Variants in MCF2L observed in about 807,000 individuals in gnomAD.
MCF2L encodes MCF.2 cell line derived transforming sequence like.
A neutral mutation model predicts 153.4 loss-of-function variants in MCF2L; 97 were observed. The observed-to-expected ratio is 0.63, with a 90% CI of 0.54 to 0.75. The LOEUF is 0.75. Ranked by LOEUF, MCF2L falls within the 30% of genes least tolerant of loss-of-function variation. MCF2L has a pLI of 0.00. For missense variants in MCF2L, 1,347 were observed against 1,495.2 expected (o/e 0.90, Z 1.64); for synonymous variants, 659 against 632.2 (o/e 1.04, Z -0.64).
chr13:112,908,443 C>T (rs2081194544), intron 2 of MCF2L, among the ~76,000 whole-genome samples: 1 of 152,198 alleles, frequency 6.6e-6, no homozygotes, highest in South Asian at 2.1e-4. Context: ...TGGAGAGACT[C>T]CTCAGGTGAA....
At chr13:112,936,515 G>A (rs959694868) in intron 2 of MCF2L, among the ~76,000 whole-genome samples, 8 of 152,182 alleles carry the variant, frequency 5.3e-5, no homozygotes, top group Non-Finnish European at 1.0e-4. Context: ...TTGGGAAAAG[G>A]TGTTTTTGGG....
At chr13:113,088,768 C>G (rs955141982) in intron 25 of MCF2L, 140 bp downstream of exon 25, 1 of 827,594 alleles carries the variant, frequency 1.2e-6, no homozygotes. Context: ...TGTTTATGTG[C>G]TGACGGGTCC....
intron 15 of MCF2L, among the ~76,000 whole-genome samples, chr13:113,079,210 C>T (rs1443551087): frequency 6.6e-6 from 1 of 152,248 alleles, no homozygotes; most frequent in Non-Finnish European, 1.5e-5. Flanking sequence ...TTCCTGGACC[C>T]TCAAACTCAG....
intron 13 of MCF2L, among the ~76,000 whole-genome samples, chr13:113,077,713 C>T (rs2033648558): frequency 6.6e-6 from 1 of 152,220 alleles, no homozygotes; most frequent in Non-Finnish European, 1.5e-5. Flanking sequence ...TGGTCCCAAA[C>T]CCGCCCTCTA....
chr13:113,075,135 A>G lies in MCF2L; in HGVS notation c.1254A>G (p.Ala418=). The G allele has an allele frequency of 6.2e-7, 1 of 1,612,872 alleles. No individual in the cohort carries two copies. Among genetic ancestry groups the G allele is most frequent in the Non-Finnish European group, 8.5e-7 (1 of 1,179,764 alleles). ...HLCDQFSAEI[A]RRRGLLSKSL... ...GTGACCAGTTCTCTGCGGAGATCGCAAGGAGGAGGGGGCTGCTCAGCAAGT... is the reference window on the plus strand; with the variant it reads ...GTGACCAGTTCTCTGCGGAGATCGCGAGGAGGAGGGGGCTGCTCAGCAAGT... Residue 418 remains alanine (A), a synonymous_variant, in exon 11 of 30, where the codon GCA becomes GCG. Transcript: ENST00000535094.
At chr13:112,898,645 C>T (rs1051757985) in intron 1 of MCF2L, among the ~76,000 whole-genome samples, 1 of 152,158 alleles carries the variant, frequency 6.6e-6, no homozygotes, top group African/African-American at 2.4e-5. Flanking sequence ...GCCTCCCCTC[C>T]TCCATTTGCT....
chr13:112,969,534 T>G lies in MCF2L; in HGVS notation c.79+76T>G. The G allele has an allele frequency of 6.5e-7, 1 of 1,540,022 alleles. No homozygotes were observed. The highest frequency in any genetic ancestry group is 8.8e-7 in the Non-Finnish European group (1 of 1,139,298). On this transcript the variant is annotated intron_variant, in intron 1 of 29. Coordinates refer to ENST00000535094, the MANE Select transcript of MCF2L (RefSeq NM_001112732.3). This position sits in a 1 kb window ranked among gnomAD's most constrained non-coding sequence, Gnocchi z 4.8. Reference sequence around the variant, plus strand: ...GGGCTGAAATGTGGGGAAATGCGTCTGATTTTTGTAAGCCGCCCTCGTGTT... The same window carrying G: ...GGGCTGAAATGTGGGGAAATGCGTCGGATTTTTGTAAGCCGCCCTCGTGTT...
chr13:113,088,011 G>A (rs1446572617), intron 23 of MCF2L, among the ~76,000 whole-genome samples: 4 of 152,334 alleles, frequency 2.6e-5, no homozygotes, highest in Non-Finnish European at 2.9e-5. Flanking sequence ...GCGAGGAAAC[G>A]GGCTCTCCCT....
chr13:113,033,262 C>A (rs1376414070), intron 3 of MCF2L, among the ~76,000 whole-genome samples: 6 of 83,560 alleles, frequency 7.2e-5, no homozygotes, highest in African/African-American at 2.5e-4. Flanking sequence ...CATTAGTGGA[C>A]CCCGTGGCGT....
intron 1 of MCF2L, among the ~76,000 whole-genome samples, chr13:113,007,505 G>T (rs1566724846): frequency 6.6e-6 from 1 of 152,236 alleles, no homozygotes; most frequent in Non-Finnish European, 1.5e-5. Flanking sequence ...CCTGCCAGAA[G>T]ATCAAATTGC....
rs565211788 is a variant in MCF2L at position 113,044,690 on chromosome 13, C to T, written c.279-581C>T. 1.1e-5 allele frequency: 18 copies of T among 1,612,640 alleles called. No homozygotes were observed. In the African/African-American group the frequency reaches 1.9e-4, roughly 17 times the overall value. ...AGGCTCATCCGAGGACGGAGGCTGTCGTTATACAACGCGCAAGTGTGGTCT... is the reference window on the plus strand; with the variant it reads ...AGGCTCATCCGAGGACGGAGGCTGTTGTTATACAACGCGCAAGTGTGGTCT... On this transcript the variant is annotated intron_variant, in intron 3 of 29. Transcript: ENST00000535094.
chr13:113,038,207 T>A (rs945881370), intron 3 of MCF2L, among the ~76,000 whole-genome samples: 2 of 152,170 alleles, frequency 1.3e-5, no homozygotes. Flanking sequence ...GGCTCATGCC[T>A]ATAATCCCAG....
At chr13:112,959,159 T>A (rs1162340269) in intron 2 of MCF2L, among the ~76,000 whole-genome samples, 1 of 152,226 alleles carries the variant, frequency 6.6e-6, no homozygotes, top group African/African-American at 2.4e-5. Context: ...TTCTGCTTGT[T>A]CAAGACATAC....
intron 1 of MCF2L, among the ~76,000 whole-genome samples, chr13:112,898,079 C>T (rs748810461): frequency 6.6e-6 from 1 of 152,236 alleles, no homozygotes; most frequent in Non-Finnish European, 1.5e-5. Flanking sequence ...GCCGCCCCCA[C>T]CTCTACTCCA....
In MCF2L at chr13:113,045,090, G is replaced by A. The variant is rs2086725300; in HGVS notation, c.279-181G>A. 1.1e-6 allele frequency: 1 copy of A among 936,852 alleles called. No individual in the cohort carries two copies. Among genetic ancestry groups the A allele is most frequent in the Non-Finnish European group, 1.6e-6 (1 of 611,730 alleles). 58.0% of individuals were successfully genotyped at this position (936,852 alleles called of 1,614,324 possible). A position where few individuals can be genotyped will look rare whatever the true frequency, so the allele number is the denominator to read the frequency against. On this transcript the variant is annotated intron_variant, in intron 3 of 29. Coordinates refer to ENST00000535094, the MANE Select transcript of MCF2L (RefSeq NM_001112732.3). The surrounding 1 kb of genome is among the most constrained non-coding windows in gnomAD (Gnocchi z 4.2). The stretch of plus-strand genomic sequence containing the variant: ...CCTGCCCTTCCGTAGATGAGAGCAG[G>A]TTCTGGGACTGCGGGGATGGGGCTG...
intron 2 of MCF2L, among the ~76,000 whole-genome samples, chr13:112,921,562 C>A (rs1233073465): frequency 6.6e-6 from 1 of 152,206 alleles, no homozygotes; most frequent in East Asian, 1.9e-4. Flanking sequence ...TGAGGGAAGT[C>A]CCATAGAGTC....
At chr13:113,015,320 C>T (rs1194090497) in intron 2 of MCF2L, among the ~76,000 whole-genome samples, 2 of 152,242 alleles carry the variant, frequency 1.3e-5, no homozygotes, top group African/African-American at 2.4e-5. Context: ...GTGGGTACAG[C>T]AAGGGCACCT....
Position 113,045,633 on chromosome 13 carries a change from C to A in MCF2L, c.369+272C>A. On this transcript the variant is annotated intron_variant, in intron 4 of 29. Transcript: ENST00000535094. This position sits in a 1 kb window ranked among gnomAD's most constrained non-coding sequence, Gnocchi z 4.2. Reference sequence around the variant, plus strand: ...CCCAGGCAGAGCAGCCCATATGTTTCCGAACACCAAGTCTGAGATGCTCGG... The same window carrying A: ...CCCAGGCAGAGCAGCCCATATGTTTACGAACACCAAGTCTGAGATGCTCGG... 1.9e-6 allele frequency: 1 copy of A among 521,294 alleles called. No homozygotes were observed. The highest frequency in any genetic ancestry group is 3.5e-6 in the Non-Finnish European group (1 of 289,078). 32.3% of individuals were successfully genotyped at this position (521,294 alleles called of 1,614,324 possible).
intron 2 of MCF2L, among the ~76,000 whole-genome samples, chr13:112,914,370 C>A (rs1282086504): frequency 6.6e-6 from 1 of 152,264 alleles, no homozygotes; most frequent in East Asian, 1.9e-4. Context: ...CATCCTTATT[C>A]TCTTGCACAG....
Sources: gnomAD v4.1 joint callset for allele counts (sites outside exome capture counted in the v4.1 genomes callset) on GRCh38, gnomAD v4.1.1 for gene constraint, Gnocchi (gnomAD v3.1) non-coding constraint, MANE v1.5 for transcripts, NCBI Gene and HGNC (gene_info 2026-07-23, HGNC 2026-07-21) for gene names.